Variants in LRRC31 observed in about 807,000 individuals in gnomAD.
The protein encoded by LRRC31 is leucine-rich repeat-containing protein 31.
LRRC31 carries 35 observed loss-of-function variants against 46.7 expected under a neutral mutation model. The observed-to-expected ratio is 0.75, with a 90% CI of 0.57 to 0.99. The LOEUF is 0.99. Among genes scored for constraint, LRRC31 ranks in the 50% least tolerant of loss-of-function variants. The probability of loss-of-function intolerance (pLI) is 0.00; values close to 1 mark genes in which losing one functional copy is unlikely to be tolerated. For synonymous variants in LRRC31, 236 were observed against 235.1 expected (o/e 1.00, Z -0.03); for missense variants, 613 against 626.1 (o/e 0.98, Z 0.22).
chr3:169,853,761 G>A, intron 6 of LRRC31: 2 of 963,204 alleles, frequency 2.1e-6, no homozygotes, highest in Non-Finnish European at 2.5e-6. Flanking sequence ...GGTTTAAAAA[G>A]ATAGATGTAT....
At chr3:169,846,673 C>T (rs927937641) in intron 8 of LRRC31, among the ~76,000 whole-genome samples, 4 of 151,826 alleles carry the variant, frequency 2.6e-5, no homozygotes, top group African/African-American at 9.7e-5. Context: ...AAAATGCAGA[C>T]ATGCACACAC....
rs1781340637 is a variant in LRRC31 at position 169,866,645 on chromosome 3, G to A, written c.175+2988C>T. On this transcript the variant is annotated intron_variant, in intron 1 of 8. Coordinates refer to ENST00000316428, the MANE Select transcript of LRRC31 (RefSeq NM_024727.4). Reference sequence around the variant, plus strand: ...TGATGGCAAACAATCTGATGGAAGGGAGGGTAGGTATAAATGATATAAAAT... The same window carrying A: ...TGATGGCAAACAATCTGATGGAAGGAAGGGTAGGTATAAATGATATAAAAT... Among the ~76,000 whole-genome samples, 4 of 152,114 alleles carry A rather than the reference G, an allele frequency of 2.6e-5. No individual in the cohort carries two copies. The South Asian group carries it at 8.3e-4, about 32-fold the overall frequency.
chr3:169,848,380 G>T (rs2108204970), intron 7 of LRRC31, 93 bp from the exon 8 acceptor site: 1 of 1,125,778 alleles, frequency 8.9e-7, no homozygotes, highest in Non-Finnish European at 1.3e-6. Flanking sequence ...GACAACACAT[G>T]AATATAACTG....
intron 7 of LRRC31, 115 bp downstream of exon 7, chr3:169,851,504 G>A: frequency 1.0e-6 from 1 of 994,324 alleles, no homozygotes. Flanking sequence ...GTCCTGAAAA[G>A]AAGACAAATT....
chr3:169,867,550 C>G (rs1781369614), intron 1 of LRRC31, among the ~76,000 whole-genome samples: 1 of 151,942 alleles, frequency 6.6e-6, no homozygotes, highest in Admixed American at 6.6e-5. Flanking sequence ...AGCCACCGCA[C>G]CCGACCAAGA....
intron 8 of LRRC31, among the ~76,000 whole-genome samples, chr3:169,840,641 T>C (rs1780421444): frequency 6.6e-6 from 1 of 152,226 alleles, no homozygotes; most frequent in Non-Finnish European, 1.5e-5. Context: ...CTCATTGGCT[T>C]TAACTAAGGA....
At position 169,840,065 on chromosome 3, in the gene LRRC31, G is replaced by A; in HGVS notation, c.1576C>T (p.Pro526Ser). 6.2e-7 allele frequency: 1 copy of A among 1,613,968 alleles called. No individual in the cohort carries two copies. The highest frequency in any genetic ancestry group is 1.1e-5 in the South Asian group (1 of 91,068). ...TEIGMKRWIL[P>S]ASQEEELECF... ...TCTAGTTCTTCCTCCTGTGAAGCTG[G>A]GAGAATCCATCTTTTCATTCCTATC... Residue 526 changes from proline (P) to serine (S), a missense_variant, in exon 9 of 9, where the codon CCA (proline) becomes TCA (serine). Physicochemically the swap from Pro to Ser is moderately conservative, Grantham distance 74 (BLOSUM62 -1). Transcript: ENST00000316428.
Position 169,856,817 on chromosome 3 carries a change from A to G in LRRC31, c.543T>C (p.Ser181=). 1 of 1,609,798 alleles carries G rather than the reference A, an allele frequency of 6.2e-7. No individual in the cohort carries two copies. Among genetic ancestry groups the G allele is most frequent in the Non-Finnish European group, 8.5e-7 (1 of 1,178,180 alleles). Residue 181 remains serine (S), a synonymous_variant, in exon 4 of 9, where the codon AGT becomes AGC. Coordinates refer to ENST00000316428, the MANE Select transcript of LRRC31 (RefSeq NM_024727.4). ...TCAGAGGCAAATTTCCTCCCACTTTACTGTTCCAAGACAAATTTAGCTCTT... is the reference window on the plus strand; with the variant it reads ...TCAGAGGCAAATTTCCTCCCACTTTGCTGTTCCAAGACAAATTTAGCTCTT... ...ELEELNLSWN[S]KVGGNLPLIL...
intron 8 of LRRC31, among the ~76,000 whole-genome samples, chr3:169,845,097 G>A (rs77333536): frequency 0.045 from 6,911 of 152,076 alleles, 166 homozygotes; most frequent in East Asian, 0.076. Flanking sequence ...ATATATCCAC[G>A]TAACATTGGG....
At chr3:169,844,756 A>G (rs1780553161) in intron 8 of LRRC31, among the ~76,000 whole-genome samples, 2 of 152,072 alleles carry the variant, frequency 1.3e-5, no homozygotes, top group Non-Finnish European at 2.9e-5. Context: ...ACATGGTGAA[A>G]CCCCGTCTGT....
intron 1 of LRRC31, among the ~76,000 whole-genome samples, chr3:169,868,308 A>T (rs764618092): frequency 6.6e-6 from 1 of 152,188 alleles, no homozygotes; most frequent in Non-Finnish European, 1.5e-5. Context: ...ATTTGCACAA[A>T]TACCTAAGTG....
At chr3:169,862,763 A>AAAAT (rs576096118) in intron 1 of LRRC31, among the ~76,000 whole-genome samples, 3,347 of 152,236 alleles carry the variant, frequency 0.022, 112 homozygotes, top group African/African-American at 0.077. Context: ...GCATCTAAAA[A>AAAAT]AAATAAATAA....
chr3:169,865,387 A>G (rs958972415), intron 1 of LRRC31, among the ~76,000 whole-genome samples: 39 of 152,122 alleles, frequency 2.6e-4, no homozygotes, highest in African/African-American at 9.2e-4. Context: ...TGGGGGGCGC[A>G]TTAGTAACCA....
At chr3:169,851,282 G>A (rs1353786079) in intron 7 of LRRC31, among the ~76,000 whole-genome samples, 2 of 152,074 alleles carry the variant, frequency 1.3e-5, no homozygotes, top group Non-Finnish European at 2.9e-5. Context: ...GTATGGTGAC[G>A]TGCACCTGTG....
chr3:169,867,595 A>G (rs1160335879), intron 1 of LRRC31, among the ~76,000 whole-genome samples: 1 of 150,682 alleles, frequency 6.6e-6, no homozygotes, highest in African/African-American at 2.4e-5. Flanking sequence ...CTGGTCTTAA[A>G]CTACTGGCCT....
chr3:169,861,062 T>C (rs12631953), intron 2 of LRRC31, among the ~76,000 whole-genome samples: 9,362 of 147,936 alleles, frequency 0.063, 341 homozygotes, highest in Admixed American at 0.1. Flanking sequence ...TAACTTGTTT[T>C]TCTTTTCCTT....
chr3:169,850,643 T>A (rs1486783204), intron 7 of LRRC31, among the ~76,000 whole-genome samples: 2 of 152,210 alleles, frequency 1.3e-5, no homozygotes. Flanking sequence ...GTACTTAACA[T>A]CTCTGTGCTT....
chr3:169,869,928 A>G lies in LRRC31; in HGVS notation c.-121T>C. ...GTGTTCAATCAAAATATCCTCCCCT[A>G]CATGACTGCCCCCCACTCCCTGCCG... is the stretch of plus-strand genomic sequence containing the variant. On this transcript the variant is annotated 5_prime_UTR_variant, in exon 1 of 9. An upstream open reading frame in the 5' UTR loses its in-frame stop. Transcript: ENST00000316428. 1 of 771,796 alleles carries G rather than the reference A, an allele frequency of 1.3e-6. No homozygotes were observed. The allele number at this position is 771,796 out of a possible 1,614,324, so 47.8% of individuals were successfully genotyped here.
intron 3 of LRRC31, 128 bp downstream of exon 3, chr3:169,860,433 G>T: frequency 1.1e-6 from 1 of 936,466 alleles, no homozygotes; most frequent in East Asian, 2.5e-5. Flanking sequence ...TCACCATGTT[G>T]CCCAGGCTGT....
Sources: gnomAD v4.1 joint callset for allele counts (sites outside exome capture counted in the v4.1 genomes callset) on GRCh38, gnomAD v4.1.1 for gene constraint, MANE v1.5 for transcripts, NCBI Gene and HGNC (gene_info 2026-07-23, HGNC 2026-07-21) for gene names.